ZNF519: variants seen among roughly 807,000 people sequenced by gnomAD.
The protein encoded by ZNF519 is similar to Zinc finger protein 85 (Zinc finger protein HPF4) (HTF1).
A neutral mutation model predicts 7.4 loss-of-function variants in ZNF519; 7 were observed. That is an observed-to-expected ratio of 0.94 (90% confidence interval 0.54 to 1.77). The LOEUF (loss-of-function observed/expected upper bound fraction) is 1.77, where lower values mean the gene tolerates loss of function less well. ZNF519 is among the 40% of genes most tolerant of loss of function. The pLI is 0.00. For synonymous variants in ZNF519, 179 were observed against 203.3 expected, an observed-to-expected ratio of 0.88 and a Z score of 1.02; for missense variants, 586 against 623.1, an observed-to-expected ratio of 0.94 and a Z score of 0.63.
intron 2 of ZNF519, among the ~76,000 whole-genome samples, chr18:14,087,520 T>C (rs986786944): frequency 6.6e-6 from 1 of 152,190 alleles, no homozygotes; most frequent in Non-Finnish European, 1.5e-5. Context: ...ACCCACTGTT[T>C]ATGGGACTTG....
downstream of ZNF519, among the ~76,000 whole-genome samples, chr18:14,095,689 G>T (rs1598511865): frequency 6.6e-6 from 1 of 152,230 alleles, no homozygotes; most frequent in South Asian, 2.1e-4. Flanking sequence ...CGAACCATCA[G>T]GTTCTGGCCA....
chr18:14,127,045 T>C (rs1275321692), intron 1 of ZNF519, among the ~76,000 whole-genome samples: 1 of 152,178 alleles, frequency 6.6e-6, no homozygotes, highest in East Asian at 1.9e-4. Context: ...CCTGTCCCTG[T>C]CCAGCTAAGT....
intron 2 of ZNF519, among the ~76,000 whole-genome samples, chr18:14,117,409 C>T (rs2046251158): frequency 6.6e-6 from 1 of 152,026 alleles, no homozygotes; most frequent in Non-Finnish European, 1.5e-5. Context: ...CAATATCAAG[C>T]AAACAAAAAA....
At chr18:14,095,247 G>A (rs1268110424), downstream of ZNF519, among the ~76,000 whole-genome samples, 1 of 152,180 alleles carries the variant, frequency 6.6e-6, no homozygotes, top group Non-Finnish European at 1.5e-5. Context: ...AACTCCAGAG[G>A]TTTTATGTAT....
rs1567947245 is a variant in ZNF519, at chr18:14,105,205, T to TG, written c.1334dup (p.His446ThrfsTer18). The stretch of plus-strand genomic sequence containing the variant: ...GGATTCTTTGATGTCGAGTAAGGTG[T>TG]GAGCCCCTGTTAAAGGCTTTGCCAC... On this transcript the variant is annotated frameshift_variant, in exon 3 of 3. Transcript: ENST00000590202. LOFTEE classifies it low-confidence loss of function (END_TRUNC). 1.3e-6 allele frequency: 2 copies of TG among 1,571,806 alleles called. No individual in the cohort carries two copies. Among genetic ancestry groups the TG allele is most frequent in the South Asian group, 2.2e-5 (2 of 90,324 alleles).
chr18:14,105,092 G>A lies in ZNF519; in HGVS notation c.1448C>T (p.Thr483Ile). The change falls in exon 3 of 3, where the codon ACT (threonine) becomes ATT (isoleucine). Residue 483 changes from threonine to isoleucine, a missense_variant. Physicochemically the swap from Thr to Ile is moderately conservative, Grantham distance 89. Coordinates refer to ENST00000590202, the MANE Select transcript of ZNF519 (RefSeq NM_145287.4). ...TTTACATTTGAAGAATTTCTCTCCAGTATGGACTCTCTGATGTTGAGTAAG... is the reference window on the plus strand; with the variant it reads ...TTTACATTTGAAGAATTTCTCTCCAATATGGACTCTCTGATGTTGAGTAAG... ...SHLTQHQRVH[T>I]GEKFFKCKEC... 6.2e-7 allele frequency: 1 copy of A among 1,612,810 alleles called. No individual in the cohort carries two copies. Among genetic ancestry groups the A allele is most frequent in the Non-Finnish European group, 8.5e-7 (1 of 1,179,506 alleles).
intron 1 of ZNF519, among the ~76,000 whole-genome samples, chr18:14,124,735 TG>T (rs140342649): frequency 0.016 from 2,367 of 152,110 alleles, 63 homozygotes; most frequent in African/African-American, 0.055. Flanking sequence ...GACCTCCTTC[TG>T]GAACAACGGG....
At chr18:14,096,623 C>G (rs1361277521), downstream of ZNF519, among the ~76,000 whole-genome samples, 1 of 152,172 alleles carries the variant, frequency 6.6e-6, no homozygotes, top group African/African-American at 2.4e-5. Context: ...TTGAGCAATC[C>G]TCCCATCTCA....
intron 2 of ZNF519, among the ~76,000 whole-genome samples, chr18:14,088,290 A>G (rs2046099938): frequency 6.6e-6 from 1 of 152,224 alleles, no homozygotes. Flanking sequence ...AACTCGGAGT[A>G]GCTTCATCAC....
At chr18:14,112,678 A>G (rs912017909) in intron 2 of ZNF519, among the ~76,000 whole-genome samples, 5 of 152,234 alleles carry the variant, frequency 3.3e-5, no homozygotes, top group African/African-American at 1.2e-4. Flanking sequence ...AATCCCATTT[A>G]CGATAGCCAC....
downstream of ZNF519, chr18:14,072,561 G>A (rs1426796661): frequency 6.6e-6 from 1 of 152,066 alleles, no homozygotes; most frequent in African/African-American, 2.4e-5. Flanking sequence ...GATTCAATGG[G>A]AATCCCCTTT....
rs571770841 is a variant in ZNF519 at position 14,094,427 on chromosome 18, GC to G, written c.131-9352del. On this transcript the variant is annotated intron_variant and NMD_transcript_variant, in intron 2 of 4. Coordinates refer to the ZNF519 transcript ENST00000587419. ...ACATTAGCATTGAGTGCTACATACG[GC>G]CTTTATTATGTTAAGGTGTTTTTCT... is the stretch of plus-strand genomic sequence containing the variant. 3.5e-3 allele frequency among the ~76,000 whole-genome samples: 526 copies of G among 152,196 alleles called. 6 individuals are homozygous for G. Among genetic ancestry groups the G allele is most frequent in the African/African-American group, 0.012 (512 of 41,528 alleles).
At chr18:14,095,450 T>G (rs567695906), downstream of ZNF519, among the ~76,000 whole-genome samples, 1 of 152,352 alleles carries the variant, frequency 6.6e-6, no homozygotes, top group East Asian at 1.9e-4. Context: ...ATTGTAACAC[T>G]GGGTTAACCC....
intron 2 of ZNF519, among the ~76,000 whole-genome samples, chr18:14,107,989 GC>G (rs1356103167): frequency 6.6e-6 from 1 of 152,178 alleles, no homozygotes; most frequent in Non-Finnish European, 1.5e-5. Context: ...CTTGCCGAGA[GC>G]CTGAGGGAAC....
chr18:14,098,217 G>A (rs764160442), downstream of ZNF519, among the ~76,000 whole-genome samples: 1 of 145,842 alleles, frequency 6.9e-6, no homozygotes, highest in South Asian at 2.2e-4. Flanking sequence ...CTGGAGTGCT[G>A]TGGCACAATC....
intron 2 of ZNF519, among the ~76,000 whole-genome samples, chr18:14,087,446 A>T (rs2046095506): frequency 6.6e-6 from 1 of 152,234 alleles, no homozygotes; most frequent in Non-Finnish European, 1.5e-5. Flanking sequence ...AAATTTTATA[A>T]AAGTGAGCTC....
chr18:14,086,425 G>A lies in ZNF519; in HGVS notation c.131-1349C>T, dbSNP rs563508966. 2.6e-5 allele frequency among the ~76,000 whole-genome samples: 4 copies of A among 152,290 alleles called. No individual in the cohort carries two copies. The South Asian group carries it at 8.3e-4, about 32-fold the overall frequency. ...CGCTGCGCTGGCCTCAGTGGCTTTG[G>A]GCATGATGTAGCATCATAGCAGCTG... On this transcript the variant is annotated intron_variant and NMD_transcript_variant, in intron 2 of 4. Transcript: ENST00000587419.
intron 2 of ZNF519, among the ~76,000 whole-genome samples, chr18:14,116,397 C>T (rs1439080701): frequency 3.9e-5 from 6 of 152,082 alleles, no homozygotes; most frequent in Non-Finnish European, 7.4e-5. Flanking sequence ...ATTAGAGGCA[C>T]CACACTTCCT....
Position 14,106,351 on chromosome 18 carries a change from G to C in ZNF519, c.189C>G (p.Phe63Leu), listed in dbSNP as rs1441933675. ...CATATCTTCCCAGTGTTGCTTTTTT[G>C]AATGAATCTTGTATGCCTTGCTCTG... ...ILPEQGIQDS[F>L]KKATLGRYGS... is the part of the protein sequence containing the mutation. The change falls in exon 3 of 3, where the codon TTC (phenylalanine) becomes TTG (leucine). Residue 63 changes from phenylalanine (F) to leucine (L), a missense_variant. By Grantham distance (22) the Phe-to-Leu change is conservative. Transcript: ENST00000590202. 5.0e-6 allele frequency: 8 copies of C among 1,611,724 alleles called. No individual in the cohort carries two copies. Among genetic ancestry groups the C allele is most frequent in the African/African-American group, 1.3e-5 (1 of 74,454 alleles).
Sources: allele counts gnomAD v4.1 joint callset (sites outside exome capture counted in the v4.1 genomes callset), GRCh38; gene constraint gnomAD v4.1.1; transcripts MANE v1.5; gene names NCBI Gene and HGNC (gene_info 2026-07-23, HGNC 2026-07-21).